QTMAN: variants seen among roughly 807,000 people sequenced by gnomAD.
QTMAN encodes queuosine-tRNA mannosyltransferase.
the QTMAN span, chr2:144,295,246 G>C: frequency 6.6e-6 from 1 of 152,082 alleles, no homozygotes; most frequent in Non-Finnish European, 1.5e-5. Context: ...AGCAGCTAAG[G>C]CTCACTTCCT....
At chr2:144,265,205 G>C in the QTMAN span, among the ~76,000 whole-genome samples, 12 of 152,158 alleles carry the variant, frequency 7.9e-5, no homozygotes, top group Non-Finnish European at 1.8e-4. Flanking sequence ...AGCAAATCAG[G>C]TGTCTGAAAG....
At chr2:144,272,025 T>C in the QTMAN span, among the ~76,000 whole-genome samples, 3 of 152,198 alleles carry the variant, frequency 2.0e-5, no homozygotes, top group Admixed American at 2.0e-4. Flanking sequence ...CTATATGTGA[T>C]TGCTTTTATA....
chr2:144,106,314 T>C, the QTMAN span, among the ~76,000 whole-genome samples: 1 of 152,122 alleles, frequency 6.6e-6, no homozygotes, highest in Non-Finnish European at 1.5e-5. Flanking sequence ...GACTGGCAAA[T>C]CGGACAAAGA....
the QTMAN span, among the ~76,000 whole-genome samples, chr2:144,108,115 A>C: frequency 1.3e-5 from 2 of 152,214 alleles, no homozygotes; most frequent in African/African-American, 4.8e-5. Context: ...CAAAATCATA[A>C]GAGCTATTTA....
At chr2:144,279,157 G>T in the QTMAN span, among the ~76,000 whole-genome samples, 9 of 152,026 alleles carry the variant, frequency 5.9e-5, no homozygotes, top group African/African-American at 2.2e-4. Context: ...AAACAACGAC[G>T]TTATGCAAAT....
the QTMAN span, among the ~76,000 whole-genome samples, chr2:144,022,417 G>A: frequency 2.4e-4 from 36 of 151,878 alleles, no homozygotes; most frequent in South Asian, 4.1e-4. Flanking sequence ...AGTCTCCCAA[G>A]TAGCTGGGAC....
chr2:144,177,058 A>G, the QTMAN span: 1 of 664,726 alleles, frequency 1.5e-6, no homozygotes, highest in Non-Finnish European at 2.7e-6. Context: ...GCCAGATTTC[A>G]TAAGAATTCT....
the QTMAN span, among the ~76,000 whole-genome samples, chr2:144,272,903 CAGAA>C: frequency 6.6e-6 from 1 of 152,090 alleles, no homozygotes; most frequent in South Asian, 2.1e-4. Flanking sequence ...ATTTGAGAAA[CAGAA>C]AGCCGCATAT....
At chr2:144,084,213 T>C in the QTMAN span, among the ~76,000 whole-genome samples, 4 of 152,230 alleles carry the variant, frequency 2.6e-5, no homozygotes, top group Non-Finnish European at 1.5e-5. Flanking sequence ...GTTCAGCCCA[T>C]GGGCAACCAG....
the QTMAN span, chr2:143,943,164 G>A: frequency 1.5e-4 from 22 of 151,564 alleles, no homozygotes; most frequent in East Asian, 3.5e-3. Context: ...AATCACACAT[G>A]TCTGTATCTT....
At chr2:144,038,448 T>C in the QTMAN span, among the ~76,000 whole-genome samples, 56 of 152,232 alleles carry the variant, frequency 3.7e-4, no homozygotes, top group African/African-American at 1.3e-3. Flanking sequence ...GATACAATTC[T>C]ATCCCTGTAG....
chr2:144,313,120 C>A, the QTMAN span, among the ~76,000 whole-genome samples: 2 of 152,048 alleles, frequency 1.3e-5, no homozygotes, highest in South Asian at 2.1e-4. Flanking sequence ...AAATCCTGGG[C>A]TGGAAAAAAA....
At chr2:144,331,692 C>T in the QTMAN span, among the ~76,000 whole-genome samples, 1 of 152,166 alleles carries the variant, frequency 6.6e-6, no homozygotes, top group African/African-American at 2.4e-5. Flanking sequence ...TTAAATTTCG[C>T]TGCTGCATTC....
chr2:144,045,602 G>A, the QTMAN span, among the ~76,000 whole-genome samples: 1 of 152,144 alleles, frequency 6.6e-6, no homozygotes, highest in African/African-American at 2.4e-5. Flanking sequence ...GGGGTTGGGG[G>A]AATATGAGAG....
the QTMAN span, among the ~76,000 whole-genome samples, chr2:144,294,111 AC>A: frequency 6.6e-6 from 1 of 152,134 alleles, no homozygotes; most frequent in Non-Finnish European, 1.5e-5. Flanking sequence ...TCCCATTTCC[AC>A]CACTTAGCAG....
At chr2:144,077,994 C>T in the QTMAN span, among the ~76,000 whole-genome samples, 1 of 93,398 alleles carries the variant, frequency 1.1e-5, no homozygotes, top group Admixed American at 1.3e-4. Context: ...TATAAAAATG[C>T]CATTTGACAA....
chr2:144,158,828 C>T, the QTMAN span, among the ~76,000 whole-genome samples: 6 of 152,020 alleles, frequency 3.9e-5, no homozygotes, highest in Admixed American at 3.9e-4. Flanking sequence ...AATGATGATA[C>T]ATTTCAGCCT....
the QTMAN span, among the ~76,000 whole-genome samples, chr2:143,988,399 T>C: frequency 2.2e-4 from 34 of 152,300 alleles, no homozygotes; most frequent in African/African-American, 7.7e-4. Flanking sequence ...GATACCAATG[T>C]GGCCATATGC....
At chr2:144,139,345 C>T in the QTMAN span, among the ~76,000 whole-genome samples, 14 of 151,974 alleles carry the variant, frequency 9.2e-5, no homozygotes, top group Middle Eastern at 3.4e-3. Context: ...GGGAGCGGGG[C>T]GGGTAACAAG....
Sources: gnomAD v4.1 joint callset for allele counts (sites outside exome capture counted in the v4.1 genomes callset) on GRCh38, gnomAD v4.1.1 for gene constraint, MANE v1.5 for transcripts, NCBI Gene and HGNC (gene_info 2026-07-23, HGNC 2026-07-21) for gene names.